GNG2: variants seen among roughly 807,000 people sequenced by gnomAD.
The protein encoded by GNG2 is guanine nucleotide-binding protein G(I)/G(S)/G(O) subunit gamma-2.
In GNG2, 5 loss-of-function variants were observed where a neutral mutation model predicts 5.5. The ratio of observed to expected loss-of-function variants is 0.91; its 90% confidence interval spans 0.48 to 1.92. The LOEUF (loss-of-function observed/expected upper bound fraction) is 1.92, where lower values mean the gene tolerates loss of function less well. Among genes scored for constraint, GNG2 ranks in the 30% most tolerant of loss-of-function variants. The pLI, the probability that GNG2 is intolerant of heterozygous loss-of-function variation, is 0.01. For missense variants in GNG2, 55 were observed against 88.4 expected, an observed-to-expected ratio of 0.62 and a Z score of 1.52; for synonymous variants, 28 against 32.0, an observed-to-expected ratio of 0.88 and a Z score of 0.42.
chr14:51,942,039 G>A (rs576263800), intron 2 of GNG2, among the ~76,000 whole-genome samples: 1 of 152,226 alleles, frequency 6.6e-6, no homozygotes, highest in South Asian at 2.1e-4. Flanking sequence ...ATATAACCCG[G>A]AATAATCTCA....
chr14:51,929,858 A>G (rs1887551110), intron 2 of GNG2, among the ~76,000 whole-genome samples: 1 of 152,204 alleles, frequency 6.6e-6, no homozygotes, highest in African/African-American at 2.4e-5. Context: ...AGACAGATAA[A>G]TGAAAATGTT....
At chr14:51,837,074 G>A (rs998588550) in intron 2 of GNG2, among the ~76,000 whole-genome samples, 1 of 151,836 alleles carries the variant, frequency 6.6e-6, no homozygotes, top group Non-Finnish European at 1.5e-5. Flanking sequence ...GGCCAGGCTG[G>A]TCTCAAACTC....
intron 2 of GNG2, among the ~76,000 whole-genome samples, chr14:51,891,195 A>G (rs957173613): frequency 6.6e-5 from 10 of 152,180 alleles, no homozygotes; most frequent in African/African-American, 9.7e-5. Flanking sequence ...GGGGCGGGAT[A>G]CCTTTTTGTC....
intron 2 of GNG2, among the ~76,000 whole-genome samples, chr14:51,852,921 A>G (rs2087664653): frequency 1.3e-5 from 2 of 152,168 alleles, no homozygotes; most frequent in Non-Finnish European, 2.9e-5. Flanking sequence ...CTAAGTCAAG[A>G]ACAGATTTTT....
Position 51,966,597 on chromosome 14 carries a change from A to C in GNG2, c.126A>C (p.Glu42Asp). 6.2e-7 allele frequency: 1 copy of C among 1,613,726 alleles called. No individual in the cohort carries two copies. The highest frequency in any genetic ancestry group is 8.5e-7 in the Non-Finnish European group (1 of 1,179,624). ...CTGCAGATTTGATGGCCTACTGTGA[A>C]GCACATGCCAAGGAAGACCCCCTCC... ...KAAADLMAYC[E>D]AHAKEDPLLT... The change falls in exon 4 of 4, where the codon GAA becomes GAC. Residue 42 changes from glutamate (E) to aspartate (D), a missense_variant. By Grantham distance (45) the Glu-to-Asp change is conservative (BLOSUM62 2). Transcript: ENST00000556766.
intron 1 of GNG2, among the ~76,000 whole-genome samples, chr14:51,863,325 G>A (rs1247242818): frequency 6.6e-6 from 1 of 152,170 alleles, no homozygotes; most frequent in African/African-American, 2.4e-5. Flanking sequence ...TTTCCTCATT[G>A]TAAAGAAGGG....
intron 2 of GNG2, among the ~76,000 whole-genome samples, chr14:51,832,676 C>T (rs528149717): frequency 2.6e-4 from 39 of 152,334 alleles, no homozygotes; most frequent in South Asian, 1.2e-3. Context: ...TGCCTTCTCC[C>T]TGTGTCCTCA....
chr14:51,851,326 G>A (rs1193783665), intron 2 of GNG2, among the ~76,000 whole-genome samples: 1 of 152,210 alleles, frequency 6.6e-6, no homozygotes, highest in Non-Finnish European at 1.5e-5. Context: ...AATCTTCATT[G>A]TAAATGCTTT....
At chr14:51,873,011 C>A (rs1484022432) in intron 1 of GNG2, among the ~76,000 whole-genome samples, 3 of 152,094 alleles carry the variant, frequency 2.0e-5, no homozygotes, top group African/African-American at 7.2e-5. Flanking sequence ...TATGAAATAC[C>A]TTAATTATTT....
In GNG2 at chr14:51,913,663, T is replaced by C. The variant is rs768417396; in HGVS notation, c.-30+36006T>C. Among the ~76,000 whole-genome samples, 51 of 151,892 alleles carry C rather than the reference T, an allele frequency of 3.4e-4. 1 individual carries two copies. Among genetic ancestry groups the C allele is most frequent in the Non-Finnish European group, 1.5e-4 (10 of 67,972 alleles). On this transcript the variant is annotated intron_variant, in intron 2 of 3. Transcript: ENST00000556766. ...AAGAAGCAGAGATGTAGAGAGGAGG[T>C]CTAGAGGTTGTATGGAGGAGCAACT...
chr14:51,965,908 G>GT (rs1319052485), intron 3 of GNG2, among the ~76,000 whole-genome samples: 20 of 151,934 alleles, frequency 1.3e-4, no homozygotes, highest in Admixed American at 1.3e-3. Flanking sequence ...TGAGATATCG[G>GT]AGCACAAAAG....
intron 3 of GNG2, among the ~76,000 whole-genome samples, chr14:51,965,933 G>A (rs893970889): frequency 6.6e-6 from 1 of 152,016 alleles, no homozygotes; most frequent in East Asian, 1.9e-4. Flanking sequence ...GGAGGGCCGG[G>A]CACAGTGGCT....
intron 2 of GNG2, among the ~76,000 whole-genome samples, chr14:51,853,897 T>A (rs1005446746): frequency 6.6e-6 from 1 of 151,562 alleles, no homozygotes; most frequent in South Asian, 2.1e-4. Context: ...CTTTTTTTTT[T>A]CTTTTTTTTT....
intron 2 of GNG2, among the ~76,000 whole-genome samples, chr14:51,904,527 C>T (rs1359473850): frequency 6.6e-6 from 1 of 152,168 alleles, no homozygotes; most frequent in African/African-American, 2.4e-5. Flanking sequence ...CCCTGGCCCA[C>T]CCACTCCCAG....
chr14:51,833,321 G>A (rs1366734397), intron 2 of GNG2, among the ~76,000 whole-genome samples: 1 of 151,970 alleles, frequency 6.6e-6, no homozygotes, highest in Non-Finnish European at 1.5e-5. Context: ...ATCTTTAATG[G>A]GCTCTTTCCT....
At chr14:51,843,201 A>C (rs1284478525) in intron 2 of GNG2, among the ~76,000 whole-genome samples, 1 of 152,188 alleles carries the variant, frequency 6.6e-6, no homozygotes, top group Non-Finnish European at 1.5e-5. Context: ...TTCTATATTA[A>C]TGCAAATATA....
intron 2 of GNG2, among the ~76,000 whole-genome samples, chr14:51,929,562 C>T (rs942047762): frequency 1.3e-5 from 2 of 152,116 alleles, no homozygotes; most frequent in African/African-American, 2.4e-5. Context: ...AAATATAAGC[C>T]GTATGTACCC....
chr14:51,932,742 G>C (rs1034299331), intron 2 of GNG2, among the ~76,000 whole-genome samples: 4 of 152,192 alleles, frequency 2.6e-5, no homozygotes, highest in African/African-American at 9.6e-5. Context: ...GTTAAATACT[G>C]CTGGGAGGTT....
chr14:51,886,043 G>A (rs186945743), intron 2 of GNG2, among the ~76,000 whole-genome samples: 1 of 152,118 alleles, frequency 6.6e-6, no homozygotes, highest in African/African-American at 2.4e-5. Flanking sequence ...TTGCCATTTA[G>A]GCAGTTTTTA....
Sources: gnomAD v4.1 joint callset for allele counts (sites outside exome capture counted in the v4.1 genomes callset) on GRCh38, gnomAD v4.1.1 for gene constraint, MANE v1.5 for transcripts, NCBI Gene and HGNC (gene_info 2026-07-23, HGNC 2026-07-21) for gene names.